Variants in TAF3 observed in about 807,000 individuals in gnomAD.
TAF3 encodes transcription initiation factor TFIID subunit 3.
A neutral mutation model predicts 80.6 loss-of-function variants in TAF3; 7 were observed. The observed-to-expected ratio is 0.09, with a 90% CI of 0.05 to 0.16. The LOEUF is 0.16. Among genes scored for constraint, TAF3 ranks in the 10% least tolerant of loss-of-function variants. The pLI, the probability that TAF3 is intolerant of heterozygous loss-of-function variation, is 1.00. For synonymous variants in TAF3, 444 were observed against 446.1 expected, an observed-to-expected ratio of 1.00 and a Z score of 0.06; for missense variants, 921 against 1,140.2, an observed-to-expected ratio of 0.81 and a Z score of 2.77.
intron 2 of TAF3, among the ~76,000 whole-genome samples, chr10:7,913,386 G>A (rs945414569): frequency 1.1e-4 from 16 of 152,138 alleles, no homozygotes; most frequent in African/African-American, 2.7e-4. Flanking sequence ...GCTCTCATTC[G>A]CCCAGGCTTG....
intron 4 of TAF3, among the ~76,000 whole-genome samples, chr10:8,005,426 A>G (rs938581019): frequency 6.6e-6 from 1 of 152,260 alleles, no homozygotes; most frequent in African/African-American, 2.4e-5. Flanking sequence ...ACTTTAAAGT[A>G]TCCTAGAACA....
intron 4 of TAF3, among the ~76,000 whole-genome samples, chr10:8,002,516 AGGCTTTTT>A (rs1831954014): frequency 6.6e-6 from 1 of 152,226 alleles, no homozygotes; most frequent in Admixed American, 6.5e-5. Flanking sequence ...GAAATTAGAA[AGGCTTTTT>A]GTTCCTTTGA....
At chr10:7,823,796 G>A (rs1341853803) in intron 1 of TAF3, among the ~76,000 whole-genome samples, 2 of 152,030 alleles carry the variant, frequency 1.3e-5, no homozygotes, top group South Asian at 2.1e-4. Flanking sequence ...CACCACGCCC[G>A]GCTAATTTTT....
At chr10:8,000,635 C>A (rs553891871) in intron 4 of TAF3, among the ~76,000 whole-genome samples, 9 of 152,082 alleles carry the variant, frequency 5.9e-5, no homozygotes, top group African/African-American at 2.2e-4. Context: ...AAAAATTAGC[C>A]AGGCATGGTG....
rs184729303 is a variant in TAF3, at chr10:7,900,797, G to T, written c.410-63123G>T. ...TTTTACTGAACTTTTTGCTCTTTAG[G>T]CTTCGTATTAAGAAGGTAAAGATTT... On this transcript the variant is annotated intron_variant, in intron 2 of 6. Coordinates refer to ENST00000344293, the MANE Select transcript of TAF3 (RefSeq NM_031923.4). Among the ~76,000 whole-genome samples the T allele has an allele frequency of 1.1e-4, 17 of 152,066 alleles. 1 individual carries two copies. Among genetic ancestry groups the T allele is most frequent in the Non-Finnish European group, 2.9e-5 (2 of 68,024 alleles).
chr10:7,923,523 T>G (rs979021966), intron 2 of TAF3, among the ~76,000 whole-genome samples: 1 of 151,856 alleles, frequency 6.6e-6, no homozygotes, highest in Non-Finnish European at 1.5e-5. Flanking sequence ...CAGAAAGAGC[T>G]TAATCACTTT....
chr10:8,004,962 AT>A (rs1369672656), intron 4 of TAF3, among the ~76,000 whole-genome samples: 1 of 152,130 alleles, frequency 6.6e-6, no homozygotes, highest in Non-Finnish European at 1.5e-5. Context: ...TGCTCTGAAA[AT>A]TTATTTTGTC....
rs543226708 is a variant in TAF3 at position 7,964,071 on chromosome 10, A to G, written c.561A>G (p.Glu187=). The change falls in exon 3 of 7, where the codon GAA becomes GAG. Residue 187 remains glutamate (E), a synonymous_variant. Coordinates refer to ENST00000344293, the MANE Select transcript of TAF3 (RefSeq NM_031923.4). This position sits in a 1 kb window ranked among gnomAD's most constrained non-coding sequence, Gnocchi z 4.1. ...GKRPLDSPEA[E]ELPAMKRPRL... ...GACCACTGGATAGTCCTGAAGCTGA[A>G]GAACTGCCAGCCATGAAGCGGCCTC... The G allele has an allele frequency of 3.7e-6, 6 of 1,614,122 alleles. No individual in the cohort carries two copies. The South Asian group carries it at 4.4e-5, about 12-fold the overall frequency.
Position 7,842,160 on chromosome 10 carries a change from T to TTTG in TAF3, c.409+17602_409+17603insGTT, listed in dbSNP as rs1564345293. ...ATATTGAATTAATATTGTTTTTTTT[T>TTTG]TTTGTTTTTTTTTTTGTTTTTTTTT... On this transcript the variant is annotated intron_variant, in intron 2 of 6. Coordinates refer to ENST00000344293, the MANE Select transcript of TAF3 (RefSeq NM_031923.4). Among the ~76,000 whole-genome samples the TTTG allele has an allele frequency of 2.8e-4, 28 of 100,388 alleles. 1 individual carries two copies. The highest frequency in any genetic ancestry group is 3.2e-4 in the Non-Finnish European group (15 of 47,254). The allele number at this position is 100,388 out of a possible 152,430, so 65.9% of individuals were successfully genotyped here.
At chr10:7,959,138 T>TCACACACACA (rs113376582) in intron 2 of TAF3, among the ~76,000 whole-genome samples, 1 of 149,764 alleles carries the variant, frequency 6.7e-6, no homozygotes, top group African/African-American at 2.5e-5. Context: ...AGATTCTGTC[T>TCACACACACA]CACACACACA....
intron 1 of TAF3, among the ~76,000 whole-genome samples, chr10:7,823,044 G>A (rs1836705075): frequency 6.6e-6 from 1 of 152,202 alleles, no homozygotes; most frequent in East Asian, 1.9e-4. Context: ...GCCTGGGAAG[G>A]TAAGGTTGCA....
chr10:7,873,801 A>G (rs892765239), intron 2 of TAF3, among the ~76,000 whole-genome samples: 5 of 152,220 alleles, frequency 3.3e-5, no homozygotes, highest in Non-Finnish European at 7.3e-5. Flanking sequence ...AGAGAAAAGA[A>G]CTTAATGCTG....
intron 3 of TAF3, among the ~76,000 whole-genome samples, chr10:7,971,439 A>G (rs751641279): frequency 1.4e-5 from 2 of 145,808 alleles, no homozygotes; most frequent in Non-Finnish European, 3.0e-5. Flanking sequence ...CCTAGCTAGT[A>G]TACATATATG....
At chr10:7,838,385 T>C (rs1317139354) in intron 2 of TAF3, among the ~76,000 whole-genome samples, 1 of 151,894 alleles carries the variant, frequency 6.6e-6, no homozygotes, top group Non-Finnish European at 1.5e-5. Flanking sequence ...GTTGTTTGTT[T>C]GTTTGTTTGT....
chr10:7,863,641 A>G (rs1344497534), intron 2 of TAF3, among the ~76,000 whole-genome samples: 3 of 123,232 alleles, frequency 2.4e-5, no homozygotes, highest in African/African-American at 9.0e-5. Context: ...ATATATATAT[A>G]TATATACACA....
intron 2 of TAF3, among the ~76,000 whole-genome samples, chr10:7,951,764 A>G (rs539124717): frequency 1.3e-5 from 2 of 152,332 alleles, no homozygotes; most frequent in African/African-American, 4.8e-5. Flanking sequence ...CTGTTACTCA[A>G]AAGCCAAAGA....
intron 4 of TAF3, among the ~76,000 whole-genome samples, chr10:7,988,293 T>C (rs1218906460): frequency 6.6e-6 from 1 of 151,784 alleles, no homozygotes; most frequent in East Asian, 1.9e-4. Flanking sequence ...TACAAAATAT[T>C]AAAAAGATAT....
chr10:7,856,494 A>C (rs955272637), intron 2 of TAF3, among the ~76,000 whole-genome samples: 1 of 152,202 alleles, frequency 6.6e-6, no homozygotes, highest in African/African-American at 2.4e-5. Flanking sequence ...ATAAATAAAA[A>C]AATAGATTTT....
At chr10:8,012,984 T>C (rs146905691) in intron 5 of TAF3, among the ~76,000 whole-genome samples, 32 of 152,330 alleles carry the variant, frequency 2.1e-4, no homozygotes, top group African/African-American at 7.2e-4. Flanking sequence ...GCTCTGTTCA[T>C]GTGAAGTTTG....
Sources: gnomAD v4.1 joint callset for allele counts (sites outside exome capture counted in the v4.1 genomes callset) on GRCh38, gnomAD v4.1.1 for gene constraint, Gnocchi (gnomAD v3.1) non-coding constraint, MANE v1.5 for transcripts, NCBI Gene and HGNC (gene_info 2026-07-23, HGNC 2026-07-21) for gene names.